HAO2: variants seen among roughly 807,000 people sequenced by gnomAD.
HAO2 encodes the protein 2-Hydroxyacid oxidase 2.
A neutral mutation model predicts 37.4 loss-of-function variants in HAO2; 42 were observed. The observed-to-expected ratio is 1.12, with a 90% CI of 0.88 to 1.45. HAO2 has a LOEUF of 1.45. Among genes scored for constraint, HAO2 ranks in the 40% most tolerant of loss-of-function variants. The pLI, the probability that HAO2 is intolerant of heterozygous loss-of-function variation, is 0.00. For missense variants in HAO2, 476 were observed against 430.2 expected (o/e 1.11, Z -0.94); for synonymous variants, 180 against 162.8 (o/e 1.11, Z -0.81).
chr1:119,381,188 C>G lies in HAO2; in HGVS notation c.103C>G (p.Arg35Gly). ...AGGTGGAGCAGATGACAGCATCACG[C>G]GGGATGACAACATTGCAGCATTTAA... is the stretch of plus-strand genomic sequence containing the variant. ...IEGGADDSIT[R>G]DDNIAAFKRI... The change falls in exon 2 of 8, where the codon CGG (arginine) becomes GGG (glycine). Residue 35 changes from arginine to glycine, a missense_variant. Transcript: ENST00000325945. 6.2e-7 allele frequency: 1 copy of G among 1,610,552 alleles called. No homozygotes were observed. The highest frequency in any genetic ancestry group is 8.5e-7 in the Non-Finnish European group (1 of 1,176,862).
At chr1:119,379,122 G>T (rs1649711122) in intron 1 of HAO2, among the ~76,000 whole-genome samples, 1 of 152,182 alleles carries the variant, frequency 6.6e-6, no homozygotes, top group Non-Finnish European at 1.5e-5. Flanking sequence ...ACTCATGCGG[G>T]ATGCAGTTAA....
intron 3 of HAO2, among the ~76,000 whole-genome samples, chr1:119,383,295 A>G (rs1650110131): frequency 6.6e-6 from 1 of 152,242 alleles, no homozygotes; most frequent in Non-Finnish European, 1.5e-5. Context: ...TTACAGATGA[A>G]TAAGAAGGTG....
In HAO2 at chr1:119,385,018, A is replaced by T. The variant is rs1650269281; in HGVS notation, c.526A>T (p.Asn176Tyr). 2 of 1,613,448 alleles carry T rather than the reference A, an allele frequency of 1.2e-6. No individual in the cohort carries two copies. Among genetic ancestry groups the T allele is most frequent in the African/African-American group, 2.7e-5 (2 of 74,914 alleles). Residue 176 changes from asparagine to tyrosine, a missense_variant, in exon 4 of 8, where the codon AAC becomes TAC. By Grantham distance (143) the Asn-to-Tyr change is moderately radical. Coordinates refer to ENST00000325945, the MANE Select transcript of HAO2 (RefSeq NM_016527.4). ...RHDIRNQLRR[N>Y]LTLTDLQSPK... ...TGACATTCGAAACCAGTTGAGGAGG[A>T]ACTTAACACTAACAGATCTTCAATC...
rs1650087836 is a variant in HAO2 at position 119,383,056 on chromosome 1, C to T, written c.273C>T (p.Ser91=). ...TTGTCTGGCCTGATGGGGAAATGAG[C>T]ACAGCAAGAGGTATGAACCATCCCC... is the stretch of plus-strand genomic sequence containing the variant. The part of the protein sequence containing the change: ...HCLVWPDGEM[S]TARAAQAAGI... Residue 91 remains serine (S), a synonymous_variant, in exon 3 of 8, where the codon AGC becomes AGT. Coordinates refer to ENST00000325945, the MANE Select transcript of HAO2 (RefSeq NM_016527.4). 6.2e-7 allele frequency: 1 copy of T among 1,611,774 alleles called. No individual in the cohort carries two copies. Among genetic ancestry groups the T allele is most frequent in the Admixed American group, 1.7e-5 (1 of 59,818 alleles).
chr1:119,385,160 C>G (rs143398986), intron 4 of HAO2, 107 bp downstream of exon 4: 1 of 1,481,110 alleles, frequency 6.8e-7, no homozygotes, highest in African/African-American at 1.4e-5. Context: ...TATCGAACAC[C>G]TGCTCTGTGC....
intron 4 of HAO2, 119 bp downstream of exon 4, chr1:119,385,172 A>C: frequency 2.8e-6 from 4 of 1,447,442 alleles, no homozygotes; most frequent in Non-Finnish European, 3.6e-6. Flanking sequence ...GCTCTGTGCC[A>C]GACACTGCGG....
chr1:119,381,460 C>T (rs191833012), intron 2 of HAO2, among the ~76,000 whole-genome samples: 38 of 152,284 alleles, frequency 2.5e-4, no homozygotes, highest in Admixed American at 1.1e-3. Context: ...ATCTCAGCAA[C>T]TTTGCAACCT....
At chr1:119,388,347 C>G (rs1650556416) in intron 5 of HAO2, among the ~76,000 whole-genome samples, 1 of 152,220 alleles carries the variant, frequency 6.6e-6, no homozygotes, top group Non-Finnish European at 1.5e-5. Flanking sequence ...AGGTGTCAGG[C>G]TCTCATTAAT....
chr1:119,371,382 A>C (rs887316125), intron 1 of HAO2, among the ~76,000 whole-genome samples: 3 of 152,224 alleles, frequency 2.0e-5, no homozygotes, highest in Non-Finnish European at 2.9e-5. Context: ...GTAGACTGTT[A>C]AGACAGATTT....
In HAO2 at chr1:119,393,864, T is replaced by C. The variant is rs1291758837; in HGVS notation, c.*24T>C. 1 of 1,612,066 alleles carries C rather than the reference T, an allele frequency of 6.2e-7. No individual in the cohort carries two copies. On this transcript the variant is annotated 3_prime_UTR_variant, in exon 8 of 8. Coordinates refer to ENST00000325945, the MANE Select transcript of HAO2 (RefSeq NM_016527.4). ...AAGAAAAAAGGGCCAATAACCAGAC[T>C]GCTGAGGTTGCCCACAGGAGGATCA...
At position 119,392,666 on chromosome 1, in the gene HAO2, C is replaced by T. The variant is rs372655209; in HGVS notation, c.979C>T (p.His327Tyr). The T allele has an allele frequency of 7.5e-6, 12 of 1,605,428 alleles. No individual in the cohort carries two copies. In the African/African-American group the frequency reaches 1.5e-4, roughly 20 times the overall value. ...EVLNILTNEF[H>Y]TSMALTGCRS... ...TTTGAACATTTTAACAAATGAGTTC[C>T]ACACTTCCATGGCCCTTACAGGTAA... The change falls in exon 7 of 8, where the codon CAC becomes TAC. Residue 327 changes from histidine (H) to tyrosine (Y), a missense_variant. His to Tyr is a moderately conservative substitution (Grantham distance 83, BLOSUM62 2). Transcript: ENST00000325945.
chr1:119,385,422 C>A, intron 4 of HAO2: 1 of 898,714 alleles, frequency 1.1e-6, no homozygotes, highest in Non-Finnish European at 1.3e-6. Context: ...TCAGAAAATG[C>A]TAATTTTGGA....
At chr1:119,376,349 G>A (rs1161174074) in intron 1 of HAO2, among the ~76,000 whole-genome samples, 2 of 152,228 alleles carry the variant, frequency 1.3e-5, no homozygotes, top group Non-Finnish European at 2.9e-5. Context: ...TGATGCAAGA[G>A]GTGGGTTCCC....
intron 5 of HAO2, 110 bp from the exon 6 acceptor site, chr1:119,392,000 A>C: frequency 1.1e-6 from 1 of 922,782 alleles, no homozygotes; most frequent in Non-Finnish European, 1.6e-6. Context: ...GGAGGGGAAG[A>C]AATTGTCAAG....
chr1:119,381,301 C>T, intron 2 of HAO2, 85 bp downstream of exon 2: 1 of 944,970 alleles, frequency 1.1e-6, no homozygotes, highest in Non-Finnish European at 1.7e-6. Flanking sequence ...TGGTTTCTGC[C>T]TCCAAAAAAC....
At chr1:119,379,461 C>A (rs986176943) in intron 1 of HAO2, among the ~76,000 whole-genome samples, 1 of 152,110 alleles carries the variant, frequency 6.6e-6, no homozygotes, top group African/African-American at 2.4e-5. Flanking sequence ...TATATTAGTT[C>A]TTTTATGCTT....
At chr1:119,372,626 C>G (rs902585156) in intron 1 of HAO2, among the ~76,000 whole-genome samples, 67 of 152,162 alleles carry the variant, frequency 4.4e-4, no homozygotes. Context: ...GGAAAAACAG[C>G]TGGTGTGACA....
rs372994708 is a variant in HAO2, at chr1:119,384,356, C to T, written c.284-420C>T. 3.2e-4 allele frequency among the ~76,000 whole-genome samples: 49 copies of T among 152,294 alleles called. No individual in the cohort carries two copies. The East Asian group carries it at 9.5e-3, about 29-fold the overall frequency. ...ACTAGCATTCTTCTAATTTCATATGCTATGCTTTTTCCACCATGAAGTTCA... is the reference window on the plus strand; with the variant it reads ...ACTAGCATTCTTCTAATTTCATATGTTATGCTTTTTCCACCATGAAGTTCA... On this transcript the variant is annotated intron_variant, in intron 3 of 7. Transcript: ENST00000325945.
chr1:119,394,097 A>T lies in HAO2; in HGVS notation c.*257A>T. 1 of 1,228,836 alleles carries T rather than the reference A, an allele frequency of 8.1e-7. No individual in the cohort carries two copies. The highest frequency in any genetic ancestry group is 1.0e-6 in the Non-Finnish European group (1 of 954,724). The allele number at this position is 1,228,836 out of a possible 1,614,324, so 76.1% of individuals were successfully genotyped here. ...TGCCTAAATCTTCCTCTGAAGTAAA[A>T]GATCTCAAAAGGACAGATCATTAAT... On this transcript the variant is annotated 3_prime_UTR_variant, in exon 8 of 8. Transcript: ENST00000325945.
Sources: gnomAD v4.1 joint callset for allele counts (sites outside exome capture counted in the v4.1 genomes callset) on GRCh38, gnomAD v4.1.1 for gene constraint, MANE v1.5 for transcripts, NCBI Gene and HGNC (gene_info 2026-07-23, HGNC 2026-07-21) for gene names.